The following IDO1 variants were observed in gnomAD, a reference collection of about 807,000 sequenced individuals.
IDO1 encodes the protein indoleamine 2,3-dioxygenase 1.
In IDO1, 35 loss-of-function variants were observed where a neutral mutation model predicts 38.8. That is an observed-to-expected ratio of 0.90 (90% CI 0.69 to 1.20). IDO1 has a LOEUF of 1.20. Ranked by LOEUF, IDO1 falls within the 50% of genes most tolerant of loss-of-function variation. The pLI is 0.00. For missense variants in IDO1, 509 were observed against 485.1 expected (o/e 1.05, Z -0.46); for synonymous variants, 171 against 170.0 (o/e 1.01, Z -0.05).
Position 39,928,422 on chromosome 8 carries a change from T to C in IDO1, c.*237T>C. ...ATCATTGGAATAAAATGACATTCAA[T>C]AAATAAAAATGCATAAGATATATTC... is the stretch of plus-strand genomic sequence containing the variant. On this transcript the variant is annotated 3_prime_UTR_variant, in exon 10 of 10. Coordinates refer to ENST00000518237, the MANE Select transcript of IDO1 (RefSeq NM_002164.6). 1 of 421,484 alleles carries C rather than the reference T, an allele frequency of 2.4e-6. No individual in the cohort carries two copies. The highest frequency in any genetic ancestry group is 4.2e-6 in the Non-Finnish European group (1 of 235,854). 26.1% of individuals were successfully genotyped at this position (421,484 alleles called of 1,614,324 possible).
Position 39,916,590 on chromosome 8 carries a change from T to G in IDO1, c.88-1285T>G, listed in dbSNP as rs572712990. Among the ~76,000 whole-genome samples the G allele has an allele frequency of 1.1e-4, 17 of 152,354 alleles. No individual in the cohort carries two copies. In the South Asian group the frequency reaches 2.3e-3, roughly 20 times the overall value. On this transcript the variant is annotated intron_variant, in intron 1 of 9. Coordinates refer to ENST00000518237, the MANE Select transcript of IDO1 (RefSeq NM_002164.6). ...GTTACTTTTATTTCTTCACTGAAGA[T>G]CTTTCCTAGAAATTATGAACCAAAA... is the stretch of plus-strand genomic sequence containing the variant.
chr8:39,917,807 A>T, intron 1 of IDO1, 68 bp from the exon 2 acceptor site: 1 of 989,522 alleles, frequency 1.0e-6, no homozygotes, highest in Non-Finnish European at 1.6e-6. Context: ...GGCAAGGCAT[A>T]CTATCAGTGG....
At chr8:39,916,246 T>G (rs1807173652) in intron 1 of IDO1, among the ~76,000 whole-genome samples, 1 of 147,924 alleles carries the variant, frequency 6.8e-6, no homozygotes, top group Admixed American at 6.8e-5. Flanking sequence ...GAGGCTAAGG[T>G]GGGTGGATCA....
chr8:39,919,949 G>A, intron 4 of IDO1, 151 bp from the exon 5 acceptor site: 1 of 684,728 alleles, frequency 1.5e-6, no homozygotes, highest in Non-Finnish European at 2.6e-6. Flanking sequence ...GCCTACTGAA[G>A]AAACATTTTA....
At chr8:39,921,599 A>C (rs1013312519) in intron 5 of IDO1, among the ~76,000 whole-genome samples, 4 of 152,234 alleles carry the variant, frequency 2.6e-5, no homozygotes, top group African/African-American at 9.6e-5. Flanking sequence ...AGATGAGAAC[A>C]CCAAGGCAGA....
At position 39,923,541 on chromosome 8, in the gene IDO1, G is replaced by C. The variant is rs369075008; in HGVS notation, c.610G>C (p.Ala204Pro). The change falls in exon 7 of 10, where the codon GCT becomes CCT. Residue 204 changes from alanine to proline, a missense_variant. Physicochemically the swap from Ala to Pro is conservative, Grantham distance 27 (BLOSUM62 -1). Transcript: ENST00000518237. ...DTLLKALLEI[A>P]SCLEKALQVF... The stretch of plus-strand genomic sequence containing the variant: ...TTTGCTAAAGGCGCTGTTGGAAATA[G>C]CTTCTTGCTTGGAGAAAGCCCTTCA... 9.9e-6 allele frequency: 16 copies of C among 1,613,708 alleles called. No homozygotes were observed. Among genetic ancestry groups the C allele is most frequent in the South Asian group, 3.3e-5 (3 of 91,066 alleles).
chr8:39,920,299 T>C (rs1807252839), intron 5 of IDO1, among the ~76,000 whole-genome samples, 185 bp downstream of exon 5: 1 of 152,242 alleles, frequency 6.6e-6, no homozygotes, highest in Admixed American at 6.5e-5. Context: ...GTGTTACAAC[T>C]ATGTCTATCT....
chr8:39,924,309 T>G (rs2129592395), intron 7 of IDO1, among the ~76,000 whole-genome samples: 1 of 152,194 alleles, frequency 6.6e-6, no homozygotes, highest in Admixed American at 6.6e-5. Context: ...GGGGCTGCAG[T>G]GAGCTATGAT....
intron 3 of IDO1, 23 bp from the exon 4 acceptor site, chr8:39,918,790 AAC>A: frequency 1.7e-6 from 2 of 1,162,702 alleles, no homozygotes; most frequent in Non-Finnish European, 2.5e-6. Flanking sequence ...AACAACAAAA[AAC>A]CTAACTACTG....
At chr8:39,927,417 G>A (rs543221587) in intron 9 of IDO1, among the ~76,000 whole-genome samples, 4 of 151,940 alleles carry the variant, frequency 2.6e-5, no homozygotes, top group Admixed American at 6.6e-5. Flanking sequence ...AAAATTAGCC[G>A]GGCATGGTGG....
At chr8:39,925,446 C>A in intron 9 of IDO1, 75 bp downstream of exon 9, 1 of 1,369,358 alleles carries the variant, frequency 7.3e-7, no homozygotes, top group South Asian at 1.5e-5. Flanking sequence ...AAAGCACCTT[C>A]CCATCAGCAT....
chr8:39,920,361 G>A (rs1476056731), intron 5 of IDO1, among the ~76,000 whole-genome samples: 1 of 152,094 alleles, frequency 6.6e-6, no homozygotes, highest in African/African-American at 2.4e-5. Context: ...ACATCTGTAG[G>A]AAATTAATAT....
chr8:39,922,248 G>A (rs948375800), intron 5 of IDO1, among the ~76,000 whole-genome samples: 4 of 152,080 alleles, frequency 2.6e-5, no homozygotes, highest in African/African-American at 7.2e-5. Flanking sequence ...TGATCCACCC[G>A]CCTTGGCCTC....
intron 9 of IDO1, among the ~76,000 whole-genome samples, chr8:39,925,777 G>A (rs947698204): frequency 3.3e-5 from 5 of 152,054 alleles, no homozygotes; most frequent in Admixed American, 1.3e-4. Context: ...CCAGCTACTC[G>A]GGAGACTGAG....
At chr8:39,915,931 G>C (rs112592046) in intron 1 of IDO1, among the ~76,000 whole-genome samples, 1,522 of 151,678 alleles carry the variant, frequency 0.01, 25 homozygotes, top group African/African-American at 0.034. Flanking sequence ...TTTGGGAGAC[G>C]GAGGCGGGTG....
intron 3 of IDO1, 120 bp from the exon 4 acceptor site, chr8:39,918,695 G>C: frequency 3.4e-6 from 2 of 593,376 alleles, no homozygotes; most frequent in East Asian, 3.0e-5. Context: ...GCAGTGAGCC[G>C]AGATCCTGCC....
intron 1 of IDO1, among the ~76,000 whole-genome samples, chr8:39,916,705 A>T (rs1014884052): frequency 2.6e-5 from 4 of 152,348 alleles, no homozygotes; most frequent in African/African-American, 9.6e-5. Context: ...GATACAAGGC[A>T]CAATCTCTAA....
intron 7 of IDO1, chr8:39,923,854 C>A: frequency 4.4e-6 from 1 of 226,592 alleles, no homozygotes. Context: ...GTCTATTTAA[C>A]ACTAAGGAAC....
intron 5 of IDO1, among the ~76,000 whole-genome samples, chr8:39,920,360 G>A (rs1052470200): frequency 6.6e-6 from 1 of 152,100 alleles, no homozygotes; most frequent in Non-Finnish European, 1.5e-5. Context: ...TACATCTGTA[G>A]GAAATTAATA....
Sources: gnomAD v4.1 joint callset for allele counts (sites outside exome capture counted in the v4.1 genomes callset) on GRCh38, gnomAD v4.1.1 for gene constraint, MANE v1.5 for transcripts, NCBI Gene and HGNC (gene_info 2026-07-23, HGNC 2026-07-21) for gene names.